DLGAP2: variants seen among roughly 807,000 people sequenced by gnomAD.
The protein encoded by DLGAP2 is DLG associated protein 2, also known as disks large-associated protein 2.
A neutral mutation model predicts 100.3 loss-of-function variants in DLGAP2; 26 were observed. That is an observed-to-expected ratio of 0.26 (90% CI 0.19 to 0.36). The LOEUF (loss-of-function observed/expected upper bound fraction) is 0.36, where lower values mean the gene tolerates loss of function less well. DLGAP2 is among the 10% of genes least tolerant of loss of function. The pLI is 1.00. For missense variants in DLGAP2, 1,858 were observed against 1,453.2 expected, an observed-to-expected ratio of 1.28 and a Z score of -4.53; for synonymous variants, 886 against 630.1, an observed-to-expected ratio of 1.41 and a Z score of -6.08.
intron 3 of DLGAP2, among the ~76,000 whole-genome samples, chr8:1,483,973 G>C (rs1222527421): frequency 6.6e-6 from 1 of 152,248 alleles, no homozygotes; most frequent in Non-Finnish European, 1.5e-5. Context: ...TCTTGCCCAT[G>C]GGTTTAGCGT....
intron 2 of DLGAP2, among the ~76,000 whole-genome samples, chr8:1,198,132 G>C (rs1317657739): frequency 6.6e-6 from 1 of 152,030 alleles, no homozygotes; most frequent in Non-Finnish European, 1.5e-5. Context: ...GTGCGTGTGG[G>C]TGTGTGGACG....
chr8:1,657,380 C>T (rs756203372), intron 8 of DLGAP2, among the ~76,000 whole-genome samples: 9 of 152,222 alleles, frequency 5.9e-5, no homozygotes, highest in Admixed American at 2.6e-4. Flanking sequence ...TTGTGATAAA[C>T]GCATGCTAGG....
intron 6 of DLGAP2, among the ~76,000 whole-genome samples, chr8:1,619,153 C>T (rs983624570): frequency 5.9e-5 from 9 of 152,238 alleles, no homozygotes; most frequent in Admixed American, 4.6e-4. Flanking sequence ...AAAACAAGAA[C>T]GTAAAGACAA....
chr8:1,272,195 A>T (rs1207672969), intron 3 of DLGAP2, among the ~76,000 whole-genome samples: 1 of 152,226 alleles, frequency 6.6e-6, no homozygotes, highest in East Asian at 1.9e-4. Context: ...AGCAATTAGG[A>T]TACCCTCATT....
intron 6 of DLGAP2, among the ~76,000 whole-genome samples, chr8:1,617,981 C>T (rs1797211795): frequency 6.6e-6 from 1 of 152,270 alleles, no homozygotes; most frequent in Non-Finnish European, 1.5e-5. Flanking sequence ...ACAGTTCTAA[C>T]CCTGGGGAAA....
Position 1,166,812 on chromosome 8 carries a change from A to G in DLGAP2, c.74-92039A>G, listed in dbSNP as rs1447455006. On this transcript the variant is annotated intron_variant, in intron 2 of 14. Coordinates refer to ENST00000637795, the MANE Select transcript of DLGAP2 (RefSeq NM_001346810.2). ...ATAACAATGGTCTCTGGTAAATGTA[A>G]GTATTGTTTCGTGGTTTTCTACATA... is the stretch of plus-strand genomic sequence containing the variant. Among the ~76,000 whole-genome samples, 3 of 152,192 alleles carry G rather than the reference A, an allele frequency of 2.0e-5. 1 individual carries two copies. The highest frequency in any genetic ancestry group is 2.0e-4 in the Admixed American group (3 of 15,274).
At chr8:1,245,002 A>C (rs546662451) in intron 2 of DLGAP2, among the ~76,000 whole-genome samples, 1 of 152,240 alleles carries the variant, frequency 6.6e-6, no homozygotes, top group Non-Finnish European at 1.5e-5. Context: ...GACACTGGAC[A>C]TCTTTGACCA....
chr8:1,318,897 G>A (rs894447121), intron 3 of DLGAP2, among the ~76,000 whole-genome samples: 1 of 150,084 alleles, frequency 6.7e-6, no homozygotes, highest in African/African-American at 2.5e-5. Flanking sequence ...GAAGGGTCCA[G>A]TGGGTCCCCA....
chr8:1,150,050 C>T (rs1796671683), intron 2 of DLGAP2, among the ~76,000 whole-genome samples: 1 of 152,176 alleles, frequency 6.6e-6, no homozygotes, highest in Non-Finnish European at 1.5e-5. Context: ...TTTAGTGACC[C>T]ACATATTCAC....
At position 772,488 on chromosome 8, in the gene DLGAP2, A is replaced by T. The variant is rs995030798; in HGVS notation, c.18+34663A>T. On this transcript the variant is annotated intron_variant, in intron 1 of 14. Coordinates refer to ENST00000637795, the MANE Select transcript of DLGAP2 (RefSeq NM_001346810.2). ...CAGGCACACACCACCGTGTCTGGCT[A>T]ATTTTTGTATTTTTAGTAGAGACGG... is the stretch of plus-strand genomic sequence containing the variant. Among the ~76,000 whole-genome samples the T allele has an allele frequency of 2.0e-5, 3 of 151,624 alleles. No individual in the cohort carries two copies. The East Asian group carries it at 5.9e-4, about 30-fold the overall frequency.
chr8:1,373,274 G>T (rs982570956), intron 3 of DLGAP2, among the ~76,000 whole-genome samples: 2 of 151,934 alleles, frequency 1.3e-5, no homozygotes, highest in Admixed American at 6.6e-5. Flanking sequence ...CCACGCGCGT[G>T]CGGCCCGGAG....
At chr8:1,661,301 G>A (rs1164719467) in intron 8 of DLGAP2, among the ~76,000 whole-genome samples, 2 of 152,180 alleles carry the variant, frequency 1.3e-5, no homozygotes, top group African/African-American at 4.8e-5. Flanking sequence ...ATGACCACCT[G>A]TTCTCCATGG....
intron 4 of DLGAP2, among the ~76,000 whole-genome samples, chr8:1,530,583 C>A (rs969005680): frequency 2.0e-5 from 3 of 152,160 alleles, no homozygotes; most frequent in African/African-American, 4.8e-5. Flanking sequence ...TAGGAAATCA[C>A]AAGGGTACTG....
At chr8:1,418,907 A>G (rs192979829) in intron 3 of DLGAP2, among the ~76,000 whole-genome samples, 1 of 152,314 alleles carries the variant, frequency 6.6e-6, no homozygotes, top group East Asian at 1.9e-4. Context: ...CCTCCAGTTC[A>G]GTGATTTGCT....
At chr8:859,611 G>A (rs1334371603) in intron 1 of DLGAP2, among the ~76,000 whole-genome samples, 2 of 152,186 alleles carry the variant, frequency 1.3e-5, no homozygotes, top group South Asian at 2.1e-4. Flanking sequence ...CTAGCTGGAC[G>A]TTAGAGTCTG....
intron 4 of DLGAP2, among the ~76,000 whole-genome samples, chr8:1,541,711 A>G (rs1447715575): frequency 6.6e-6 from 1 of 152,240 alleles, no homozygotes; most frequent in African/African-American, 2.4e-5. Flanking sequence ...ATTTCCCTTA[A>G]GCTTTCCTCA....
chr8:872,391 C>T (rs970393688), intron 1 of DLGAP2, among the ~76,000 whole-genome samples: 2 of 144,046 alleles, frequency 1.4e-5, no homozygotes, highest in South Asian at 2.2e-4. Context: ...TGGAGTACAA[C>T]GGCGCGATCT....
Position 915,716 on chromosome 8 carries a change from C to T in DLGAP2, c.73+7750C>T, listed in dbSNP as rs1798578016. On this transcript the variant is annotated intron_variant, in intron 2 of 14. Transcript: ENST00000637795. ...AATGTGTGGTCATTTGTTAAATCTC[C>T]CCATCTATTCATCTCTCTGTCCGTC... 2.0e-5 allele frequency among the ~76,000 whole-genome samples: 3 copies of T among 152,160 alleles called. No individual in the cohort carries two copies. The South Asian group carries it at 6.2e-4, about 32-fold the overall frequency.
At chr8:1,694,227 C>T (rs1799322353) in intron 13 of DLGAP2, among the ~76,000 whole-genome samples, 1 of 152,118 alleles carries the variant, frequency 6.6e-6, no homozygotes, top group African/African-American at 2.4e-5. Flanking sequence ...AAGAGTGGTA[C>T]AGGGAGGGGT....
Sources: gnomAD v4.1 joint callset for allele counts (sites outside exome capture counted in the v4.1 genomes callset) on GRCh38, gnomAD v4.1.1 for gene constraint, MANE v1.5 for transcripts, NCBI Gene and HGNC (gene_info 2026-07-23, HGNC 2026-07-21) for gene names.